The following SPATS2L variants were observed in gnomAD, a reference collection of about 807,000 sequenced individuals.
SPATS2L encodes SPATS2-like protein.
In SPATS2L, 30 loss-of-function variants were observed where a neutral mutation model predicts 59.6. The observed-to-expected ratio is 0.50, with a 90% CI of 0.38 to 0.68. The LOEUF (loss-of-function observed/expected upper bound fraction) is 0.68, where lower values mean the gene tolerates loss of function less well. Among genes scored for constraint, SPATS2L ranks in the 30% least tolerant of loss-of-function variants. The pLI, the probability that SPATS2L is intolerant of heterozygous loss-of-function variation, is 0.00. For missense variants in SPATS2L, 615 were observed against 700.0 expected (o/e 0.88, Z 1.37); for synonymous variants, 252 against 263.5 (o/e 0.96, Z 0.42).
chr2:200,386,681 T>G (rs758389736), intron 2 of SPATS2L, among the ~76,000 whole-genome samples: 1 of 152,230 alleles, frequency 6.6e-6, no homozygotes, highest in Non-Finnish European at 1.5e-5. Flanking sequence ...ATATCTGTAA[T>G]GGCAAAATTA....
chr2:200,310,740 C>T (rs1172349753), intron 1 of SPATS2L, among the ~76,000 whole-genome samples: 1 of 152,188 alleles, frequency 6.6e-6, no homozygotes, highest in Admixed American at 6.5e-5. Flanking sequence ...CAACATGAAC[C>T]TTCTGTTCCT....
chr2:200,406,307 T>G (rs1215841865), intron 3 of SPATS2L, among the ~76,000 whole-genome samples: 2 of 152,118 alleles, frequency 1.3e-5, no homozygotes, highest in African/African-American at 2.4e-5. Flanking sequence ...ATCGGGATTA[T>G]TTAGCTTTAT....
chr2:200,373,861 G>GA (rs2081512159), intron 2 of SPATS2L, among the ~76,000 whole-genome samples: 1 of 152,052 alleles, frequency 6.6e-6, no homozygotes, highest in African/African-American at 2.4e-5. Context: ...AGTATTTCAA[G>GA]AATAATAGAG....
chr2:200,332,568 A>G (rs181739876), intron 2 of SPATS2L, among the ~76,000 whole-genome samples: 83 of 152,240 alleles, frequency 5.5e-4, no homozygotes, highest in Non-Finnish European at 9.3e-4. Context: ...TTAATACAGT[A>G]AAATGCATTT....
chr2:200,441,574 C>G (rs2084702562), intron 8 of SPATS2L, among the ~76,000 whole-genome samples: 1 of 152,108 alleles, frequency 6.6e-6, no homozygotes, highest in Non-Finnish European at 1.5e-5. Context: ...GTCTGTCTCA[C>G]CCTCTCTCCT....
chr2:200,440,673 A>G lies in SPATS2L; in HGVS notation c.677A>G (p.Lys226Arg). The change falls in exon 8 of 13, where the codon AAG (lysine) becomes AGG (arginine). Residue 226 changes from lysine (K) to arginine (R), a missense_variant. Physicochemically the swap from Lys to Arg is conservative, Grantham distance 26 (BLOSUM62 2). Coordinates refer to ENST00000409140, the MANE Select transcript of SPATS2L (RefSeq NM_001100423.2). ...GGCCCAAATATTGAGAAATCAGTGA[A>G]GGATTTGCAACGCTGCACCGTTTCT... ...KRGPNIEKSV[K>R]DLQRCTVSLT... 6.2e-7 allele frequency: 1 copy of G among 1,613,192 alleles called. No individual in the cohort carries two copies. The highest frequency in any genetic ancestry group is 8.5e-7 in the Non-Finnish European group (1 of 1,179,412).
intron 8 of SPATS2L, among the ~76,000 whole-genome samples, chr2:200,458,302 G>C (rs2085993750): frequency 1.3e-5 from 2 of 152,144 alleles, no homozygotes; most frequent in African/African-American, 4.8e-5. Context: ...ATAAAAAAGA[G>C]AGATGTCTTT....
chr2:200,451,982 G>C (rs921626283), intron 8 of SPATS2L, among the ~76,000 whole-genome samples: 3 of 152,092 alleles, frequency 2.0e-5, no homozygotes, highest in African/African-American at 7.2e-5. Flanking sequence ...TTTTTTAGTA[G>C]AGATGGGGTT....
chr2:200,378,276 CCAGTGGGGGAA>C, intron 2 of SPATS2L: 2 of 1,002,442 alleles, frequency 2.0e-6, no homozygotes, highest in Non-Finnish European at 2.4e-6. Flanking sequence ...ATAAAGGTGG[CCAGTGGGGGAA>C]CAGAGCTTAT....
chr2:200,477,058 CTG>C (rs2087582099), intron 12 of SPATS2L, among the ~76,000 whole-genome samples: 1 of 152,192 alleles, frequency 6.6e-6, no homozygotes, highest in South Asian at 2.1e-4. Flanking sequence ...CTTCTCTGCT[CTG>C]TGCCAGTGGA....
intron 2 of SPATS2L, among the ~76,000 whole-genome samples, chr2:200,365,618 T>A (rs1245070654): frequency 6.6e-6 from 1 of 152,222 alleles, no homozygotes; most frequent in African/African-American, 2.4e-5. Context: ...GGTATTTATT[T>A]TTTTCTAAGG....
intron 3 of SPATS2L, among the ~76,000 whole-genome samples, chr2:200,402,594 T>C (rs2082561883): frequency 6.6e-6 from 1 of 152,230 alleles, no homozygotes; most frequent in Non-Finnish European, 1.5e-5. Flanking sequence ...ACAGGTCCCC[T>C]GTTATAGATG....
chr2:200,382,050 GT>G (rs1230710819), intron 2 of SPATS2L, among the ~76,000 whole-genome samples: 1 of 152,036 alleles, frequency 6.6e-6, no homozygotes, highest in Non-Finnish European at 1.5e-5. Context: ...GAAAACAGCC[GT>G]TTTTTGGTGG....
rs1183031793 is a variant in SPATS2L at position 200,439,142 on chromosome 2, C to CAG, written c.468_469dup (p.Lys157ArgfsTer5). On this transcript the variant is annotated frameshift_variant, in exon 7 of 13. Transcript: ENST00000409140. LOFTEE classifies it high-confidence loss of function. ...TACAGAAGGCAACAGACTACTGCAA[C>CAG]AGAAACTATCCTTAGATGGGAACCC... The CAG allele has an allele frequency of 6.2e-7, 1 of 1,613,472 alleles. No homozygotes were observed. The highest frequency in any genetic ancestry group is 8.5e-7 in the Non-Finnish European group (1 of 1,179,620).
chr2:200,457,444 G>A (rs2085924520), intron 8 of SPATS2L, among the ~76,000 whole-genome samples: 1 of 152,226 alleles, frequency 6.6e-6, no homozygotes, highest in Admixed American at 6.5e-5. Flanking sequence ...GGGGAACTGA[G>A]TAAGTTGGGG....
rs372481592 is a variant in SPATS2L at position 200,320,588 on chromosome 2, C to G, written c.-72-8843C>G. Among the ~76,000 whole-genome samples, 4 of 152,298 alleles carry G rather than the reference C, an allele frequency of 2.6e-5. No homozygotes were observed. The East Asian group carries it at 7.7e-4, about 29-fold the overall frequency. ...GAGGCATGTCCTAACAGTGTGCCAG[C>G]CTGTGTAGATGGCTCCATGACAGTA... On this transcript the variant is annotated intron_variant, in intron 1 of 12. Coordinates refer to ENST00000409140, the MANE Select transcript of SPATS2L (RefSeq NM_001100423.2).
At chr2:200,357,433 G>A (rs1269277002) in intron 2 of SPATS2L, among the ~76,000 whole-genome samples, 1 of 152,148 alleles carries the variant, frequency 6.6e-6, no homozygotes, top group Non-Finnish European at 1.5e-5. Flanking sequence ...CTAACTTTCA[G>A]CTCAGCCTGT....
intron 8 of SPATS2L, among the ~76,000 whole-genome samples, chr2:200,445,771 T>A (rs1289729327): frequency 6.6e-6 from 1 of 152,204 alleles, no homozygotes; most frequent in African/African-American, 2.4e-5. Flanking sequence ...TTGGTTTTTT[T>A]TTTCCCTACC....
At chr2:200,402,376 A>G (rs1460720586) in intron 3 of SPATS2L, among the ~76,000 whole-genome samples, 1 of 152,096 alleles carries the variant, frequency 6.6e-6, no homozygotes, top group Non-Finnish European at 1.5e-5. Context: ...TTCATACTTA[A>G]TGCTCCAGCA....
Sources: gnomAD v4.1 joint callset for allele counts (sites outside exome capture counted in the v4.1 genomes callset) on GRCh38, gnomAD v4.1.1 for gene constraint, MANE v1.5 for transcripts, NCBI Gene and HGNC (gene_info 2026-07-23, HGNC 2026-07-21) for gene names.